TMIE: variants seen among roughly 807,000 people sequenced by gnomAD.
TMIE encodes transmembrane inner ear, also known as transmembrane inner ear expressed protein.
In TMIE, 14 loss-of-function variants were observed where a neutral mutation model predicts 16.8. The observed-to-expected ratio is 0.83, with a 90% CI of 0.55 to 1.30. The LOEUF is 1.30. Ranked by LOEUF, TMIE falls within the 50% of genes most tolerant of loss-of-function variation. The pLI is 0.00. For missense variants in TMIE, 204 were observed against 205.9 expected (o/e 0.99, Z 0.06); for synonymous variants, 75 against 87.2 (o/e 0.86, Z 0.78).
At chr3:46,697,711 G>C (rs1038444846), upstream of TMIE, among the ~76,000 whole-genome samples, 1 of 152,166 alleles carries the variant, frequency 6.6e-6, no homozygotes, top group African/African-American at 2.4e-5. Context: ...TTGGGGCTGG[G>C]TGGGCAGTCT....
intron 2 of TMIE, among the ~76,000 whole-genome samples, 185 bp from the exon 3 acceptor site, chr3:46,708,941 C>T (rs1700586588): frequency 6.6e-6 from 1 of 152,226 alleles, no homozygotes; most frequent in Non-Finnish European, 1.5e-5. Flanking sequence ...GTCAGCCCTG[C>T]TTAGGAAAGC....
upstream of TMIE, among the ~76,000 whole-genome samples, chr3:46,700,675 C>T (rs76980574): frequency 1.7e-4 from 26 of 152,316 alleles, no homozygotes; most frequent in East Asian, 5.0e-3. Flanking sequence ...TGTCAAGGCT[C>T]AACATGGGGT....
upstream of TMIE, chr3:46,693,803 G>A (rs890497629): frequency 2.0e-5 from 3 of 148,830 alleles, no homozygotes; most frequent in African/African-American, 4.9e-5. Context: ...CGGGGGCCAC[G>A]GGCGGGCCAC....
intron 2 of TMIE, 150 bp from the exon 3 acceptor site, chr3:46,708,976 A>AG: frequency 1.0e-6 from 1 of 985,420 alleles, no homozygotes; most frequent in South Asian, 1.4e-5. Flanking sequence ...TAGGGTCCAC[A>AG]GGGGTTTTGT....
intron 1 of TMIE, among the ~76,000 whole-genome samples, chr3:46,702,253 T>C (rs751572554): frequency 5.9e-4 from 89 of 152,090 alleles, no homozygotes; most frequent in Non-Finnish European, 9.4e-4. Flanking sequence ...AGGTTTCTGC[T>C]CAGGGACAAG....
Position 46,709,424 on chromosome 3 carries a change from G to T in TMIE, c.361+149G>T, listed in dbSNP as rs1033407687. The T allele has an allele frequency of 2.5e-6, 4 of 1,601,506 alleles. No homozygotes were observed. The South Asian group carries it at 4.4e-5, about 18-fold the overall frequency. ...GAGACCAGAGCACAGAAATTGGTTGGCATGAGGCAAATAGAACGATGAGCC... is the reference window on the plus strand; with the variant it reads ...GAGACCAGAGCACAGAAATTGGTTGTCATGAGGCAAATAGAACGATGAGCC... On this transcript the variant is annotated intron_variant, in intron 3 of 3. Coordinates refer to ENST00000643606, the MANE Select transcript of TMIE (RefSeq NM_147196.3).
At chr3:46,694,372 C>T (rs944598186), upstream of TMIE, among the ~76,000 whole-genome samples, 2 of 152,160 alleles carry the variant, frequency 1.3e-5, no homozygotes, top group African/African-American at 4.8e-5. Context: ...CCCCCGGGAG[C>T]GGGAGGGAAC....
At chr3:46,694,369 G>A (rs113782648), upstream of TMIE, among the ~76,000 whole-genome samples, 1 of 152,160 alleles carries the variant, frequency 6.6e-6, no homozygotes, top group African/African-American at 2.4e-5. Context: ...GACCCCCCGG[G>A]AGCGGGAGGG....
upstream of TMIE, among the ~76,000 whole-genome samples, chr3:46,699,060 ATTTTTTTTTTTTTTT>A (rs397951323): frequency 4.7e-5 from 4 of 84,854 alleles, no homozygotes; most frequent in East Asian, 1.1e-3. Flanking sequence ...GGTGTTTCTT[ATTTTTTTTTTTTTTT>A]TTTTTTTTTT....
Position 46,705,853 on chromosome 3 carries a change from G to C in TMIE, c.157G>C (p.Asp53His). 1 of 1,614,136 alleles carries C rather than the reference G, an allele frequency of 6.2e-7. No homozygotes were observed. The highest frequency in any genetic ancestry group is 8.5e-7 in the Non-Finnish European group (1 of 1,180,044). The change falls in exon 2 of 4, where the codon GAC (aspartate) becomes CAC (histidine). Residue 53 changes from aspartate (D) to histidine (H), a missense_variant. Physicochemically the swap from Asp to His is moderately conservative, Grantham distance 81. Transcript: ENST00000643606. ...PLTKETVVFW[D>H]MRLWHVVGIF... ...GACCAAGGAGACAGTGGTGTTCTGG[G>C]ACATGCGCCTGTGGCACGTGGTGGG... is the stretch of plus-strand genomic sequence containing the variant.
chr3:46,705,265 CAG>C (rs1295188868), intron 1 of TMIE, among the ~76,000 whole-genome samples: 2 of 152,200 alleles, frequency 1.3e-5, no homozygotes, highest in Non-Finnish European at 2.9e-5. Context: ...GTCTTCTGTT[CAG>C]AGTGACTCCT....
At chr3:46,705,066 C>G (rs894416478) in intron 1 of TMIE, among the ~76,000 whole-genome samples, 1 of 151,990 alleles carries the variant, frequency 6.6e-6, no homozygotes, top group African/African-American at 2.4e-5. Flanking sequence ...GTCCTCTAGA[C>G]CCTGGGGCAG....
Position 46,710,600 on chromosome 3 carries a change from C to A in TMIE, c.*912C>A, listed in dbSNP as rs1315291364. 2 of 152,276 alleles carry A rather than the reference C, an allele frequency of 1.3e-5. No individual in the cohort carries two copies. Among genetic ancestry groups the A allele is most frequent in the Non-Finnish European group, 2.9e-5 (2 of 68,060 alleles). The allele number at this position is 152,276 out of a possible 1,614,324, so 9.4% of individuals were successfully genotyped here. A position where few individuals can be genotyped will look rare whatever the true frequency, so the allele number is the denominator to read the frequency against. Reference sequence around the variant, plus strand: ...CCCTAGAAGATCACAGCAGGGCCTTCTGCCTGCTGACCATAACAGTGCCAG... The same window carrying A: ...CCCTAGAAGATCACAGCAGGGCCTTATGCCTGCTGACCATAACAGTGCCAG... On this transcript the variant is annotated 3_prime_UTR_variant, in exon 4 of 4. Transcript: ENST00000643606.
chr3:46,707,383 G>C (rs749780989), intron 2 of TMIE, among the ~76,000 whole-genome samples: 1 of 152,234 alleles, frequency 6.6e-6, no homozygotes, highest in Non-Finnish European at 1.5e-5. Flanking sequence ...TCCTAGAAAG[G>C]GTAAAGGATA....
Position 46,709,163 on chromosome 3 carries a change from A to G in TMIE, c.249A>G (p.Pro83=). 2 of 1,614,120 alleles carry G rather than the reference A, an allele frequency of 1.2e-6. No homozygotes were observed. Among genetic ancestry groups the G allele is most frequent in the Non-Finnish European group, 1.7e-6 (2 of 1,180,028 alleles). Residue 83 remains proline, a synonymous_variant, in exon 3 of 4, where the codon CCA becomes CCG. Transcript: ENST00000643606. ...GCTGTGTCTTCAACTGTCGTGTGCC[A>G]CGGACCCGGAAGGAGATCGAAGCCC... The part of the protein sequence containing the change: ...TLCCVFNCRV[P]RTRKEIEARY...
chr3:46,707,351 A>G (rs1005241738), intron 2 of TMIE, among the ~76,000 whole-genome samples: 3 of 152,200 alleles, frequency 2.0e-5, no homozygotes. Context: ...CATCAACCAC[A>G]CAGACCATCT....
chr3:46,703,225 C>T (rs750575830), intron 1 of TMIE, among the ~76,000 whole-genome samples: 3 of 152,164 alleles, frequency 2.0e-5, no homozygotes, highest in Non-Finnish European at 4.4e-5. Context: ...CTCCATGCTC[C>T]AGAAATCAGA....
At chr3:46,709,384 C>T in intron 3 of TMIE, 109 bp downstream of exon 3, 3 of 1,599,216 alleles carry the variant, frequency 1.9e-6, no homozygotes, top group Non-Finnish European at 2.6e-6. Flanking sequence ...GGGAGGGGCC[C>T]CAGCCCTGCC....
At chr3:46,702,414 C>T (rs917410418) in intron 1 of TMIE, among the ~76,000 whole-genome samples, 5 of 152,054 alleles carry the variant, frequency 3.3e-5, no homozygotes, top group East Asian at 1.9e-4. Flanking sequence ...CATCTGTAGC[C>T]TCCCTAACCC....
Sources: allele counts gnomAD v4.1 joint callset (sites outside exome capture counted in the v4.1 genomes callset), GRCh38; gene constraint gnomAD v4.1.1; transcripts MANE v1.5; gene names NCBI Gene and HGNC (gene_info 2026-07-23, HGNC 2026-07-21).